The following GRM8 variants were observed in gnomAD, a reference collection of about 807,000 sequenced individuals.
GRM8 encodes metabotropic glutamate receptor 8.
In GRM8, 47 loss-of-function variants were observed where a neutral mutation model predicts 87.2. The ratio of observed to expected loss-of-function variants is 0.54; its 90% CI spans 0.43 to 0.69. GRM8 has a LOEUF of 0.69. Ranked by LOEUF, GRM8 falls within the 30% of genes least tolerant of loss-of-function variation. GRM8 has a pLI of 0.00. For synonymous variants in GRM8, 396 were observed against 404.5 expected, an observed-to-expected ratio of 0.98 and a Z score of 0.25; for missense variants, 1,019 against 1,139.2, an observed-to-expected ratio of 0.89 and a Z score of 1.52.
chr7:126,577,507 A>T (rs1795222379), intron 8 of GRM8, among the ~76,000 whole-genome samples: 1 of 152,164 alleles, frequency 6.6e-6, no homozygotes, highest in Non-Finnish European at 1.5e-5. Context: ...GAAATTTCCA[A>T]AGTGTAAAAC....
chr7:126,482,893 T>C (rs1365586892), intron 9 of GRM8, among the ~76,000 whole-genome samples: 1 of 151,814 alleles, frequency 6.6e-6, no homozygotes, highest in Non-Finnish European at 1.5e-5. Flanking sequence ...ATTACAAGTG[T>C]GTTCAGGAGT....
chr7:127,178,724 G>T (rs1330806055), intron 2 of GRM8, among the ~76,000 whole-genome samples: 1 of 152,184 alleles, frequency 6.6e-6, no homozygotes, highest in African/African-American at 2.4e-5. Context: ...CAAGAATTTT[G>T]TATCCAGCAA....
intron 2 of GRM8, among the ~76,000 whole-genome samples, chr7:127,118,711 T>A (rs963560673): frequency 2.2e-4 from 34 of 152,378 alleles, no homozygotes; most frequent in African/African-American, 8.2e-4. Flanking sequence ...CCAGGTAGTC[T>A]GACCCCGGAT....
intron 6 of GRM8, among the ~76,000 whole-genome samples, chr7:126,817,871 G>A (rs1026325297): frequency 9.9e-5 from 15 of 151,922 alleles, no homozygotes; most frequent in South Asian, 6.2e-4. Context: ...TAGTTACATC[G>A]TTAGATTTTC....
At chr7:126,573,821 A>G (rs1381358741) in intron 8 of GRM8, among the ~76,000 whole-genome samples, 1 of 152,144 alleles carries the variant, frequency 6.6e-6, no homozygotes, top group African/African-American at 2.4e-5. Flanking sequence ...CCTGAGAGTC[A>G]GGTGATCCAT....
intron 9 of GRM8, among the ~76,000 whole-genome samples, chr7:126,505,463 G>T (rs1292067067): frequency 6.6e-6 from 1 of 152,022 alleles, no homozygotes; most frequent in Admixed American, 6.6e-5. Context: ...GGTGGCCAGA[G>T]AACTCCTCAG....
At chr7:126,604,863 A>C (rs1396231115) in intron 8 of GRM8, among the ~76,000 whole-genome samples, 3 of 152,182 alleles carry the variant, frequency 2.0e-5, no homozygotes, top group African/African-American at 7.2e-5. Flanking sequence ...TTATTAATTC[A>C]GTTTCTCCTT....
At chr7:127,000,760 T>C (rs1446914754) in intron 3 of GRM8, among the ~76,000 whole-genome samples, 2 of 151,482 alleles carry the variant, frequency 1.3e-5, no homozygotes, top group Non-Finnish European at 3.0e-5. Flanking sequence ...CTGTATGGGG[T>C]GATGGAAAAT....
At chr7:127,148,429 T>A (rs934483031) in intron 2 of GRM8, among the ~76,000 whole-genome samples, 10 of 148,754 alleles carry the variant, frequency 6.7e-5, no homozygotes, top group South Asian at 2.1e-4. Context: ...AAAAAAAAAA[T>A]AATAAGGAAA....
chr7:126,761,897 G>T (rs1310380649), intron 7 of GRM8, among the ~76,000 whole-genome samples: 3 of 152,108 alleles, frequency 2.0e-5, no homozygotes, highest in Admixed American at 1.3e-4. Flanking sequence ...GATGTCACTT[G>T]CTCTCTGTGT....
chr7:126,446,098 A>G (rs1339383879), intron 10 of GRM8, 28 bp downstream of exon 10: 3 of 1,612,128 alleles, frequency 1.9e-6, no homozygotes, highest in African/African-American at 2.7e-5. Flanking sequence ...CCCGCTCTTG[A>G]CCATCGGAAA....
At chr7:126,791,952 A>C (rs932642451) in intron 6 of GRM8, among the ~76,000 whole-genome samples, 3 of 152,182 alleles carry the variant, frequency 2.0e-5, no homozygotes, top group Non-Finnish European at 4.4e-5. Context: ...ACTGATGCTG[A>C]GTTTGCTTCT....
chr7:126,687,783 T>C (rs568005785), intron 7 of GRM8, among the ~76,000 whole-genome samples: 1 of 152,018 alleles, frequency 6.6e-6, no homozygotes, highest in African/African-American at 2.4e-5. Context: ...AATTTAGTCA[T>C]ACTTATAGAC....
chr7:126,607,136 A>C (rs1244078253), intron 8 of GRM8, among the ~76,000 whole-genome samples: 1 of 152,218 alleles, frequency 6.6e-6, no homozygotes, highest in East Asian at 1.9e-4. Flanking sequence ...TCTGTCAAAA[A>C]GCTATTGATT....
chr7:126,462,204 T>C (rs973028150), intron 9 of GRM8, among the ~76,000 whole-genome samples: 4 of 151,044 alleles, frequency 2.6e-5, no homozygotes, highest in African/African-American at 9.8e-5. Context: ...AGTGTGAAAA[T>C]ATAGGTATTA....
intron 3 of GRM8, among the ~76,000 whole-genome samples, chr7:127,076,641 A>G (rs1436884235): frequency 6.6e-6 from 1 of 152,204 alleles, no homozygotes; most frequent in African/African-American, 2.4e-5. Context: ...CTGAAGAGCA[A>G]GACCTGGTAG....
chr7:126,586,560 G>A (rs1739707442), intron 8 of GRM8, among the ~76,000 whole-genome samples: 1 of 152,098 alleles, frequency 6.6e-6, no homozygotes, highest in Non-Finnish European at 1.5e-5. Context: ...TGACAAACCT[G>A]ACAAAAACAA....
At chr7:127,239,948 G>C (rs1383161985) in intron 2 of GRM8, among the ~76,000 whole-genome samples, 3 of 152,110 alleles carry the variant, frequency 2.0e-5, no homozygotes, top group Non-Finnish European at 2.9e-5. Flanking sequence ...TAGGTTAAAC[G>C]CGCACTCTGG....
At chr7:126,806,370 G>A (rs762981510) in intron 6 of GRM8, among the ~76,000 whole-genome samples, 1 of 152,350 alleles carries the variant, frequency 6.6e-6, no homozygotes, top group Non-Finnish European at 1.5e-5. Context: ...AGCTGGCACG[G>A]ACACAGAGTG....
Sources: allele counts gnomAD v4.1 joint callset (sites outside exome capture counted in the v4.1 genomes callset), GRCh38; gene constraint gnomAD v4.1.1; transcripts MANE v1.5; gene names NCBI Gene and HGNC (gene_info 2026-07-23, HGNC 2026-07-21).